The following FLVCR2 variants were observed in gnomAD, a reference collection of about 807,000 sequenced individuals.
FLVCR2 encodes FLVCR choline and putative heme transporter 2, also known as choline/ethanolamine transporter FLVCR2.
Under a neutral mutation model 48.9 loss-of-function variants are expected in FLVCR2, and 38 were observed. That is an observed-to-expected ratio of 0.78 (90% confidence interval 0.60 to 1.02). FLVCR2 has a LOEUF of 1.02. Among genes scored for constraint, FLVCR2 ranks in the 50% least tolerant of loss-of-function variants. The probability of loss-of-function intolerance (pLI) is 0.00; values close to 1 mark genes in which losing one functional copy is unlikely to be tolerated. For missense variants in FLVCR2, 664 were observed against 663.3 expected (o/e 1.00, Z -0.01); for synonymous variants, 255 against 257.0 (o/e 0.99, Z 0.07).
chr14:75,643,138 A>ACTTT (rs1890341733), intron 9 of FLVCR2, among the ~76,000 whole-genome samples: 1 of 152,260 alleles, frequency 6.6e-6, no homozygotes, highest in Non-Finnish European at 1.5e-5. Flanking sequence ...CTGGGATTAC[A>ACTTT]GGAGTGAGCC....
At chr14:75,598,650 A>AT (rs1889083982) in intron 1 of FLVCR2, among the ~76,000 whole-genome samples, 1 of 151,696 alleles carries the variant, frequency 6.6e-6, no homozygotes, top group South Asian at 2.1e-4. Flanking sequence ...TAGTTATTTT[A>AT]TTTTTTGTAG....
chr14:75,605,637 CT>C, intron 1 of FLVCR2: 1 of 1,535,744 alleles, frequency 6.5e-7, no homozygotes, highest in South Asian at 1.2e-5. Context: ...GAGGATAGAT[CT>C]TACTTCCTTC....
chr14:75,614,853 CTG>C (rs1236507981), intron 1 of FLVCR2, among the ~76,000 whole-genome samples: 3 of 152,192 alleles, frequency 2.0e-5, no homozygotes, highest in African/African-American at 7.2e-5. Flanking sequence ...GAGAGAGCGT[CTG>C]AAGGAGGAAC....
Position 75,622,071 on chromosome 14 carries a change from T to A in FLVCR2, c.670-8T>A. 1 of 1,614,188 alleles carries A rather than the reference T, an allele frequency of 6.2e-7. No homozygotes were observed. Among genetic ancestry groups the A allele is most frequent in the Admixed American group, 1.7e-5 (1 of 60,020 alleles). On this transcript the variant is annotated splice_region_variant and splice_polypyrimidine_tract_variant and intron_variant, in intron 1 of 9. Transcript: ENST00000238667. ...TAACTGTGATTGGGTTGTCTCTGTC[T>A]TCTATAGCTTGGAATTGCGATTGGG...
chr14:75,621,931 G>T (rs751713530), intron 1 of FLVCR2, 148 bp from the exon 2 acceptor site: 264 of 862,378 alleles, frequency 3.1e-4, no homozygotes, highest in Middle Eastern at 1.7e-3. Flanking sequence ...GATTTCTCTG[G>T]TGTTTTGAGG....
At chr14:75,593,406 G>A (rs990491948) in intron 1 of FLVCR2, among the ~76,000 whole-genome samples, 6 of 152,182 alleles carry the variant, frequency 3.9e-5, no homozygotes, top group Non-Finnish European at 8.8e-5. Flanking sequence ...TAGCTCTCAT[G>A]CTACATTATA....
chr14:75,589,979 C>T (rs1888843060), intron 1 of FLVCR2, among the ~76,000 whole-genome samples: 6 of 152,112 alleles, frequency 3.9e-5, no homozygotes, highest in Admixed American at 3.9e-4. Context: ...TTTTGTGTTG[C>T]CATAATAATG....
intron 3 of FLVCR2, among the ~76,000 whole-genome samples, chr14:75,629,136 T>G (rs1227270816): frequency 6.6e-6 from 1 of 152,164 alleles, no homozygotes; most frequent in Non-Finnish European, 1.5e-5. Flanking sequence ...TTGCTGGCTT[T>G]TCCCTAGACT....
At chr14:75,604,062 C>G (rs1889231144) in intron 1 of FLVCR2, 1 of 152,202 alleles carries the variant, frequency 6.6e-6, no homozygotes, top group South Asian at 2.1e-4. Context: ...ATTCTCATGC[C>G]TGGGTTGTCT....
chr14:75,616,065 A>G (rs986767489), intron 1 of FLVCR2, among the ~76,000 whole-genome samples: 1 of 146,986 alleles, frequency 6.8e-6, no homozygotes, highest in Non-Finnish European at 1.5e-5. Flanking sequence ...AAGTCCAGTT[A>G]TGGTGGCTCA....
At chr14:75,632,709 C>T (rs551864393) in intron 3 of FLVCR2, 13 of 702,260 alleles carry the variant, frequency 1.9e-5, no homozygotes, top group African/African-American at 1.4e-4. Flanking sequence ...TGGAGTGTGC[C>T]GGTGGTAGTC....
intron 1 of FLVCR2, among the ~76,000 whole-genome samples, chr14:75,600,224 G>A (rs1889130154): frequency 6.6e-6 from 1 of 152,118 alleles, no homozygotes; most frequent in Non-Finnish European, 1.5e-5. Flanking sequence ...CCAGGACCAT[G>A]ACAGTTTACA....
chr14:75,612,481 T>C (rs574380800), intron 1 of FLVCR2, among the ~76,000 whole-genome samples: 1 of 152,128 alleles, frequency 6.6e-6, no homozygotes, highest in Non-Finnish European at 1.5e-5. Context: ...CCTTCCTGAG[T>C]GATTTTCCAC....
chr14:75,609,147 AAAC>A (rs1292389554), intron 1 of FLVCR2, among the ~76,000 whole-genome samples: 2 of 152,182 alleles, frequency 1.3e-5, no homozygotes, highest in African/African-American at 4.8e-5. Context: ...ACTCTGTGCC[AAAC>A]AACAAACATT....
Position 75,579,174 on chromosome 14 carries a change from A to C in FLVCR2, c.202A>C (p.Ser68Arg). The part of the protein sequence containing the change: ...LAQPSGLAHP[S>R]SSGPEDLSVI... ...CCAACCCAGTGGCTTGGCTCACCCC[A>C]GTAGCTCGGGCCCTGAGGACCTCAG... is the stretch of plus-strand genomic sequence containing the variant. Residue 68 changes from serine (S) to arginine (R), a missense_variant, in exon 1 of 10, where the codon AGT becomes CGT. Transcript: ENST00000238667. 1 of 1,614,078 alleles carries C rather than the reference A, an allele frequency of 6.2e-7. No individual in the cohort carries two copies. Among genetic ancestry groups the C allele is most frequent in the Non-Finnish European group, 8.5e-7 (1 of 1,180,002 alleles).
chr14:75,637,995 T>C (rs1328720520), intron 5 of FLVCR2, among the ~76,000 whole-genome samples: 3 of 152,010 alleles, frequency 2.0e-5, no homozygotes, highest in Non-Finnish European at 4.4e-5. Flanking sequence ...CCTGAGGGGA[T>C]CGACACAGGG....
At chr14:75,616,705 A>C (rs780099484) in intron 1 of FLVCR2, among the ~76,000 whole-genome samples, 1 of 152,178 alleles carries the variant, frequency 6.6e-6, no homozygotes, top group Non-Finnish European at 1.5e-5. Context: ...CCTTTGTCTG[A>C]ATAGCACAGC....
chr14:75,647,091 C>G lies in FLVCR2; in HGVS notation c.*619C>G, dbSNP rs1038081485. On this transcript the variant is annotated 3_prime_UTR_variant, in exon 10 of 10. Coordinates refer to ENST00000238667, the MANE Select transcript of FLVCR2 (RefSeq NM_017791.3). ...TTTCCTAAGAGCTGAGCAAACCAAC[C>G]ATAATAAACTTGACAAAAGACTTTG... The G allele has an allele frequency of 5.6e-5, 9 of 161,278 alleles. No homozygotes were observed. Among genetic ancestry groups the G allele is most frequent in the Non-Finnish European group, 1.2e-4 (9 of 72,622 alleles). 10.0% of individuals were successfully genotyped at this position (161,278 alleles called of 1,614,324 possible). A position where few individuals can be genotyped will look rare whatever the true frequency, so the allele number is the denominator to read the frequency against.
chr14:75,646,689 C>A lies in FLVCR2; in HGVS notation c.*217C>A. 1 of 573,214 alleles carries A rather than the reference C, an allele frequency of 1.7e-6. No individual in the cohort carries two copies. The highest frequency in any genetic ancestry group is 1.8e-5 in the South Asian group (1 of 55,344). The allele number at this position is 573,214 out of a possible 1,614,324, so 35.5% of individuals were successfully genotyped here. On this transcript the variant is annotated 3_prime_UTR_variant, in exon 10 of 10. Coordinates refer to ENST00000238667, the MANE Select transcript of FLVCR2 (RefSeq NM_017791.3). ...CCTATCACCAAATGCAAATTTGATTCCCACCTCCACCCCCTTTTAGGTTAT... is the reference window on the plus strand; with the variant it reads ...CCTATCACCAAATGCAAATTTGATTACCACCTCCACCCCCTTTTAGGTTAT...
Sources: gnomAD v4.1 joint callset for allele counts (sites outside exome capture counted in the v4.1 genomes callset) on GRCh38, gnomAD v4.1.1 for gene constraint, MANE v1.5 for transcripts, NCBI Gene and HGNC (gene_info 2026-07-23, HGNC 2026-07-21) for gene names.